Variants in SDCCAG8 observed in about 807,000 individuals in gnomAD.
The protein encoded by SDCCAG8 is SHH signaling and ciliogenesis regulator SDCCAG8, also known as serologically defined colon cancer antigen 8.
SDCCAG8 carries 74 observed loss-of-function variants against 101.8 expected under a neutral mutation model. That is an observed-to-expected ratio of 0.73 (90% confidence interval 0.60 to 0.88). The LOEUF (loss-of-function observed/expected upper bound fraction) is 0.88, where lower values mean the gene tolerates loss of function less well. Ranked by LOEUF, SDCCAG8 falls within the 40% of genes least tolerant of loss-of-function variation. The pLI is 0.00. For synonymous variants in SDCCAG8, 281 were observed against 292.9 expected, an observed-to-expected ratio of 0.96 and a Z score of 0.41; for missense variants, 787 against 822.6, an observed-to-expected ratio of 0.96 and a Z score of 0.53.
intron 1 of SDCCAG8, among the ~76,000 whole-genome samples, chr1:243,262,400 C>T (rs934225468): frequency 6.6e-6 from 1 of 152,142 alleles, no homozygotes; most frequent in Non-Finnish European, 1.5e-5. Context: ...GCCATTGTGC[C>T]TGGCCTCATG....
At chr1:243,459,248 G>C (rs1408747821) in intron 16 of SDCCAG8, among the ~76,000 whole-genome samples, 1 of 152,164 alleles carries the variant, frequency 6.6e-6, no homozygotes, top group African/African-American at 2.4e-5. Context: ...CTCGGAGGGA[G>C]GAAGTGTGGC....
intron 16 of SDCCAG8, among the ~76,000 whole-genome samples, chr1:243,471,909 T>C (rs757651079): frequency 3.3e-5 from 5 of 152,198 alleles, no homozygotes; most frequent in East Asian, 1.9e-4. Context: ...TGTATGAATA[T>C]ACTGTAAATT....
chr1:243,376,189 G>A (rs1465812198), intron 12 of SDCCAG8, among the ~76,000 whole-genome samples: 3 of 152,078 alleles, frequency 2.0e-5, no homozygotes, highest in Non-Finnish European at 2.9e-5. Context: ...AAAGACAGAG[G>A]GAAAAATCAG....
At chr1:243,477,399 TCTTA>T (rs1293773249) in intron 16 of SDCCAG8, among the ~76,000 whole-genome samples, 1 of 152,214 alleles carries the variant, frequency 6.6e-6, no homozygotes, top group Non-Finnish European at 1.5e-5. Flanking sequence ...TTAAGGTAAC[TCTTA>T]CTTCAGGCAG....
At chr1:243,371,575 T>C (rs2077291557) in intron 12 of SDCCAG8, among the ~76,000 whole-genome samples, 1 of 152,150 alleles carries the variant, frequency 6.6e-6, no homozygotes, top group Non-Finnish European at 1.5e-5. Flanking sequence ...AAGTCAGCGT[T>C]ATGTGCAATC....
At chr1:243,466,035 T>C (rs895580296) in intron 16 of SDCCAG8, among the ~76,000 whole-genome samples, 2 of 152,194 alleles carry the variant, frequency 1.3e-5, no homozygotes, top group African/African-American at 4.8e-5. Flanking sequence ...ATTCAATTCA[T>C]CTGAGACCAT....
chr1:243,454,569 C>T (rs541917409), intron 16 of SDCCAG8, among the ~76,000 whole-genome samples: 5 of 152,224 alleles, frequency 3.3e-5, no homozygotes, highest in South Asian at 2.1e-4. Flanking sequence ...AAGAGGTCGC[C>T]GTTTTTGAGT....
chr1:243,333,299 T>G (rs2074760584), intron 10 of SDCCAG8, among the ~76,000 whole-genome samples: 1 of 152,250 alleles, frequency 6.6e-6, no homozygotes, highest in South Asian at 2.1e-4. Flanking sequence ...TTCAGATGTC[T>G]CTTACTGTTG....
At chr1:243,349,014 A>C (rs113529040) in intron 12 of SDCCAG8, among the ~76,000 whole-genome samples, 4,563 of 151,932 alleles carry the variant, frequency 0.03, 223 homozygotes, top group African/African-American at 0.1. Flanking sequence ...ACAAAACAAA[A>C]AAAAAAAAAC....
chr1:243,312,043 G>T (rs2072775280), intron 8 of SDCCAG8, among the ~76,000 whole-genome samples: 2 of 152,192 alleles, frequency 1.3e-5, no homozygotes, highest in Admixed American at 6.5e-5. Context: ...ATTAATGACA[G>T]AAAGGATATT....
chr1:243,353,329 A>G (rs1231044200), intron 12 of SDCCAG8, among the ~76,000 whole-genome samples: 2 of 151,426 alleles, frequency 1.3e-5, no homozygotes, highest in East Asian at 3.9e-4. Context: ...TGCATCTACT[A>G]AAAATTCAAA....
intron 1 of SDCCAG8, among the ~76,000 whole-genome samples, chr1:243,264,156 C>CA (rs2067404424): frequency 6.6e-6 from 1 of 152,174 alleles, no homozygotes; most frequent in Admixed American, 6.5e-5. Flanking sequence ...TCTCCCAGGA[C>CA]AGATGGAGAA....
intron 13 of SDCCAG8, among the ~76,000 whole-genome samples, chr1:243,399,057 C>CGT (rs1558412655): frequency 2.0e-5 from 3 of 152,146 alleles, no homozygotes. Flanking sequence ...TATACACATA[C>CGT]GTGTGTGTGT....
intron 16 of SDCCAG8, among the ~76,000 whole-genome samples, chr1:243,436,167 CT>C (rs113227267): frequency 0.22 from 29,509 of 136,500 alleles, 2,982 homozygotes; most frequent in African/African-American, 0.36. Context: ...TGTTTATCAA[CT>C]TTTTTTTTTT....
intron 4 of SDCCAG8, 62 bp downstream of exon 4, chr1:243,274,718 T>G (rs2068387521): frequency 2.0e-6 from 2 of 1,002,518 alleles, no homozygotes; most frequent in Non-Finnish European, 3.1e-6. Context: ...CTATAGATTG[T>G]ATTAAAATTT....
At chr1:243,362,878 A>T (rs529850640) in intron 12 of SDCCAG8, among the ~76,000 whole-genome samples, 13 of 152,216 alleles carry the variant, frequency 8.5e-5, no homozygotes, top group Non-Finnish European at 1.9e-4. Context: ...CTTAAAATTC[A>T]ATTAAAACCC....
intron 16 of SDCCAG8, among the ~76,000 whole-genome samples, chr1:243,446,941 G>A (rs1369412511): frequency 6.6e-6 from 1 of 152,090 alleles, no homozygotes; most frequent in African/African-American, 2.4e-5. Context: ...AATGGGTTTA[G>A]GAAACTCTTG....
At chr1:243,275,949 C>T (rs1558220401) in intron 4 of SDCCAG8, among the ~76,000 whole-genome samples, 1 of 149,352 alleles carries the variant, frequency 6.7e-6, no homozygotes, top group Admixed American at 6.7e-5. Context: ...CTGCAACCTC[C>T]GACTCCCTGG....
chr1:243,340,480 C>T (rs2075319080), intron 10 of SDCCAG8, among the ~76,000 whole-genome samples: 1 of 152,014 alleles, frequency 6.6e-6, no homozygotes, highest in African/African-American at 2.4e-5. Context: ...TGAGCTGAAA[C>T]CTACATGAGA....
Sources: allele counts gnomAD v4.1 joint callset (sites outside exome capture counted in the v4.1 genomes callset), GRCh38; gene constraint gnomAD v4.1.1; transcripts MANE v1.5; gene names NCBI Gene and HGNC (gene_info 2026-07-23, HGNC 2026-07-21).